The following GPR19 variants were observed in gnomAD, a reference collection of about 807,000 sequenced individuals.
The protein encoded by GPR19 is G protein-coupled receptor 19.
A neutral mutation model predicts 28.5 loss-of-function variants in GPR19; 14 were observed. That is an observed-to-expected ratio of 0.49 (90% CI 0.32 to 0.77). The LOEUF is 0.77. GPR19 is among the 30% of genes least tolerant of loss of function. The pLI, the probability that GPR19 is intolerant of heterozygous loss-of-function variation, is 0.03. For missense variants in GPR19, 409 were observed against 504.1 expected (o/e 0.81, Z 1.81); for synonymous variants, 173 against 184.1 (o/e 0.94, Z 0.49).
chr12:12,673,052 G>A lies in GPR19; in HGVS notation c.-22-10582C>T, dbSNP rs192740148. Reference sequence around the variant, plus strand: ...ACAGAATGAGGGACCAAGAATTGACGGGAAATGGAATGGCAGATGGCTGGT... The same window carrying A: ...ACAGAATGAGGGACCAAGAATTGACAGGAAATGGAATGGCAGATGGCTGGT... On this transcript the variant is annotated intron_variant, in intron 3 of 3. Coordinates refer to ENST00000651487, the MANE Select transcript of GPR19 (RefSeq NM_006143.3). 2.0e-3 allele frequency among the ~76,000 whole-genome samples: 306 copies of A among 152,234 alleles called. 2 individuals carry two copies. The highest frequency in any genetic ancestry group is 4.6e-3 in the South Asian group (22 of 4,812).
intron 3 of GPR19, among the ~76,000 whole-genome samples, chr12:12,662,806 G>A (rs931938572): frequency 1.3e-5 from 2 of 152,316 alleles, no homozygotes; most frequent in African/African-American, 4.8e-5. Context: ...TCTCAAATCT[G>A]GCTCATGGTA....
the GPR19 span, among the ~76,000 whole-genome samples, chr12:12,702,794 A>G: frequency 6.6e-6 from 1 of 152,194 alleles, no homozygotes; most frequent in East Asian, 1.9e-4. Context: ...CCCTCTAATT[A>G]CACTATTCTA....
At chr12:12,674,209 CAAAAA>C (rs35775784) in intron 3 of GPR19, among the ~76,000 whole-genome samples, 129 of 53,988 alleles carry the variant, frequency 2.4e-3, no homozygotes, top group Middle Eastern at 0.017. Flanking sequence ...GACTTTGTCT[CAAAAA>C]AAAAAAAAAA....
In GPR19 at chr12:12,661,216, T is replaced by G; in HGVS notation, c.1233A>C (p.Pro411=). The change falls in exon 4 of 4, where the codon CCA becomes CCC. Residue 411 remains proline, a synonymous_variant. Transcript: ENST00000651487. The surrounding 1 kb of genome is among the most constrained non-coding windows in gnomAD (Gnocchi z 4.2). ...GAATGAGAACTTAGACAAAAGTATTTGGTGGATTTGAGTTAATGGGCCAAG... is the reference window on the plus strand; with the variant it reads ...GAATGAGAACTTAGACAAAAGTATTGGGTGGATTTGAGTTAATGGGCCAAG... ...KLAWPINSNP[P]NTFV The G allele has an allele frequency of 6.2e-7, 1 of 1,604,106 alleles. No homozygotes were observed. Among genetic ancestry groups the G allele is most frequent in the Non-Finnish European group, 8.5e-7 (1 of 1,175,476 alleles).
chr12:12,686,753 G>A (rs372834857), intron 2 of GPR19, among the ~76,000 whole-genome samples: 2 of 152,176 alleles, frequency 1.3e-5, no homozygotes, highest in African/African-American at 4.8e-5. Context: ...TAAAATAACT[G>A]GTCAATTTAA....
the GPR19 span, among the ~76,000 whole-genome samples, chr12:12,706,144 T>TC: frequency 6.6e-6 from 1 of 152,222 alleles, no homozygotes; most frequent in African/African-American, 2.4e-5. Flanking sequence ...AGTCAGGCTT[T>TC]CACATCTTTA....
chr12:12,677,269 C>T (rs1265400580), intron 3 of GPR19, among the ~76,000 whole-genome samples: 4 of 146,350 alleles, frequency 2.7e-5, no homozygotes, highest in East Asian at 4.0e-4. Flanking sequence ...TGCAGTAGTG[C>T]GATCTTGGCT....
At chr12:12,703,327 GAC>G in the GPR19 span, 1 of 951,404 alleles carries the variant, frequency 1.1e-6, no homozygotes, top group Non-Finnish European at 1.3e-6. Flanking sequence ...TTGATTGTGA[GAC>G]ACAGTCTCAC....
At chr12:12,665,819 CAAAAAAAAAAAAAAAA>C (rs528302150) in intron 3 of GPR19, among the ~76,000 whole-genome samples, 4 of 75,726 alleles carry the variant, frequency 5.3e-5, no homozygotes, top group South Asian at 6.5e-4. Context: ...GACTCCGTCT[CAAAAAAAAAAAAAAAA>C]AAAAAAAAAA....
At chr12:12,696,671 G>A (rs1044085672), upstream of GPR19, among the ~76,000 whole-genome samples, 2 of 152,230 alleles carry the variant, frequency 1.3e-5, no homozygotes, top group African/African-American at 4.8e-5. Context: ...CCAGGTTACC[G>A]TCCTGTTGCC....
At chr12:12,665,470 G>A (rs1345353123) in intron 3 of GPR19, among the ~76,000 whole-genome samples, 2 of 152,170 alleles carry the variant, frequency 1.3e-5, no homozygotes, top group Non-Finnish European at 2.9e-5. Context: ...GGTGGCATAA[G>A]TTCTCACTCC....
the GPR19 span, chr12:12,716,833 C>T: frequency 8.1e-6 from 8 of 984,444 alleles, no homozygotes; most frequent in African/African-American, 1.4e-4. Flanking sequence ...CAAAGGCACG[C>T]CGGCGGGGGG....
chr12:12,699,993 T>G (rs1592273852), upstream of GPR19, among the ~76,000 whole-genome samples: 1 of 111,336 alleles, frequency 9.0e-6, no homozygotes, highest in African/African-American at 3.3e-5. Flanking sequence ...TTTTTTTTTT[T>G]GTAAAGATGG....
At chr12:12,697,179 C>CAAAAAA (rs1946279518), upstream of GPR19, among the ~76,000 whole-genome samples, 1 of 20,166 alleles carries the variant, frequency 5.0e-5, no homozygotes, top group African/African-American at 1.2e-4. Context: ...AAAAAAAAAG[C>CAAAAAA]AGCCATGCAA....
At chr12:12,715,058 C>T in the GPR19 span, 1 of 152,182 alleles carries the variant, frequency 6.6e-6, no homozygotes, top group Admixed American at 6.5e-5. Flanking sequence ...TTTCCACTTC[C>T]ATATAAGACA....
intron 2 of GPR19, among the ~76,000 whole-genome samples, chr12:12,687,710 A>C (rs1167921601): frequency 6.6e-6 from 1 of 152,246 alleles, no homozygotes; most frequent in Non-Finnish European, 1.5e-5. Flanking sequence ...CCTTTTAAAA[A>C]TCAAGAGCTT....
At position 12,662,308 on chromosome 12, in the gene GPR19, G is replaced by C; in HGVS notation, c.141C>G (p.His47Gln). Residue 47 changes from histidine to glutamine, a missense_variant, in exon 4 of 4, where the codon CAC becomes CAG. By Grantham distance (24) the His-to-Gln change is conservative. Transcript: ENST00000651487. ...SQYLMELSEE[H>Q]SWMSNQTDLH... ...GGTCTGTTTGGTTGCTCATCCAACTGTGCTCCTCACTTAATTCCATCAGGT... is the reference window on the plus strand; with the variant it reads ...GGTCTGTTTGGTTGCTCATCCAACTCTGCTCCTCACTTAATTCCATCAGGT... 6.2e-7 allele frequency: 1 copy of C among 1,614,200 alleles called. No homozygotes were observed. The highest frequency in any genetic ancestry group is 8.5e-7 in the Non-Finnish European group (1 of 1,180,040).
At chr12:12,697,153 T>TAACAAAAAAAAAAAAA (rs1946277431), upstream of GPR19, among the ~76,000 whole-genome samples, 1 of 48,846 alleles carries the variant, frequency 2.0e-5, no homozygotes, top group East Asian at 7.1e-4. Context: ...TGAAGCGAAG[T>TAACAAAAAAAAAAAAA]AAAAAAAAAA....
intron 3 of GPR19, among the ~76,000 whole-genome samples, chr12:12,674,540 AC>A (rs2136325170): frequency 6.6e-6 from 1 of 152,108 alleles, no homozygotes; most frequent in Non-Finnish European, 1.5e-5. Context: ...AATGGGGATG[AC>A]CCCTAGTTTT....
Sources: gnomAD v4.1 joint callset for allele counts (sites outside exome capture counted in the v4.1 genomes callset) on GRCh38, gnomAD v4.1.1 for gene constraint, Gnocchi (gnomAD v3.1) non-coding constraint, MANE v1.5 for transcripts, NCBI Gene and HGNC (gene_info 2026-07-23, HGNC 2026-07-21) for gene names.